Variants in OSBPL6 observed in about 807,000 individuals in gnomAD.
OSBPL6 encodes the protein oxysterol-binding protein-related protein 6.
OSBPL6 carries 49 observed loss-of-function variants against 125.8 expected under a neutral mutation model. The observed-to-expected ratio is 0.39, with a 90% CI of 0.31 to 0.49. The LOEUF is 0.49. OSBPL6 is among the 20% of genes least tolerant of loss of function. OSBPL6 has a pLI of 0.88. For missense variants in OSBPL6, 986 were observed against 1,135.4 expected (o/e 0.87, Z 1.89); for synonymous variants, 394 against 391.8 (o/e 1.01, Z -0.07).
At chr2:178,391,303 A>G in intron 22 of OSBPL6, 86 bp downstream of exon 22, 1 of 1,371,572 alleles carries the variant, frequency 7.3e-7, no homozygotes, top group Admixed American at 2.7e-5. Flanking sequence ...TATGCAACTC[A>G]CATTATGTTT....
At chr2:178,384,877 TAA>T (rs56391259) in intron 18 of OSBPL6, among the ~76,000 whole-genome samples, 6 of 144,098 alleles carry the variant, frequency 4.2e-5, no homozygotes, top group East Asian at 2.0e-4. Context: ...GTAGCCTTTT[TAA>T]AAAAAAAAAA....
chr2:178,200,858 C>T (rs1230037691), intron 1 of OSBPL6, among the ~76,000 whole-genome samples: 3 of 151,608 alleles, frequency 2.0e-5, no homozygotes, highest in East Asian at 1.9e-4. Context: ...TGCAGTGGCG[C>T]GATCTCGGCT....
chr2:178,373,919 C>G lies in OSBPL6; in HGVS notation c.1425C>G (p.Pro475=). The change falls in exon 15 of 25, where the codon CCC becomes CCG. Residue 475 remains proline, a synonymous_variant. Coordinates refer to ENST00000190611, the MANE Select transcript of OSBPL6 (RefSeq NM_032523.4). ...GTGAGCAAATCCATGTCAGTCTCCCCTTATCACAGCAAGTAGCCAATGAGA... is the reference window on the plus strand; with the variant it reads ...GTGAGCAAATCCATGTCAGTCTCCCGTTATCACAGCAAGTAGCCAATGAGA... ...EAGEQIHVSL[P]LSQQVANESR... is the part of the protein sequence containing the mutation. The G allele has an allele frequency of 6.2e-7, 1 of 1,614,056 alleles. No individual in the cohort carries two copies. The highest frequency in any genetic ancestry group is 1.1e-5 in the South Asian group (1 of 91,082).
At chr2:178,234,191 G>A (rs1321905525) in intron 1 of OSBPL6, among the ~76,000 whole-genome samples, 2 of 152,040 alleles carry the variant, frequency 1.3e-5, no homozygotes, top group African/African-American at 2.4e-5. Context: ...TAATACTTTA[G>A]AAAATGAAAT....
At chr2:178,310,738 C>T (rs1687200949) in intron 3 of OSBPL6, among the ~76,000 whole-genome samples, 1 of 152,094 alleles carries the variant, frequency 6.6e-6, no homozygotes, top group East Asian at 1.9e-4. Context: ...CTCTTAATTG[C>T]CCTCTCAAAT....
At chr2:178,264,738 C>T (rs529955551) in intron 1 of OSBPL6, among the ~76,000 whole-genome samples, 2 of 152,268 alleles carry the variant, frequency 1.3e-5, no homozygotes, top group Admixed American at 1.3e-4. Context: ...TGTGAAAACT[C>T]AAGAGTATTG....
At chr2:178,216,222 AG>A (rs1020823596) in intron 1 of OSBPL6, among the ~76,000 whole-genome samples, 2 of 152,198 alleles carry the variant, frequency 1.3e-5, no homozygotes, top group African/African-American at 4.8e-5. Context: ...GATATTGGAA[AG>A]GGGGAAAAAG....
chr2:178,334,505 GTTAT>G (rs537806642), intron 8 of OSBPL6, among the ~76,000 whole-genome samples: 6 of 151,934 alleles, frequency 3.9e-5, no homozygotes, highest in African/African-American at 7.3e-5. Flanking sequence ...CAAACCTTAC[GTTAT>G]TTATTTATTT....
At chr2:178,220,107 C>G (rs757441139) in intron 1 of OSBPL6, among the ~76,000 whole-genome samples, 1 of 152,144 alleles carries the variant, frequency 6.6e-6, no homozygotes, top group Non-Finnish European at 1.5e-5. Flanking sequence ...AATGTAATAA[C>G]TACTATGTGC....
rs778913123 is a variant in OSBPL6 at position 178,396,634 on chromosome 2, A to C, written c.*1075A>C. The C allele has an allele frequency of 2.0e-4, 30 of 152,250 alleles. No individual in the cohort carries two copies. The highest frequency in any genetic ancestry group is 1.5e-3 in the Admixed American group (23 of 15,276). 9.4% of individuals were successfully genotyped at this position (152,250 alleles called of 1,614,324 possible). A position where few individuals can be genotyped will look rare whatever the true frequency, so the allele number is the denominator to read the frequency against. On this transcript the variant is annotated 3_prime_UTR_variant, in exon 25 of 25. Transcript: ENST00000190611. The stretch of plus-strand genomic sequence containing the variant: ...GTCGAATTCCACTGAGAACAGAAGC[A>C]AGAATAATAGTAGTTTATTTGCATT...
intron 1 of OSBPL6, among the ~76,000 whole-genome samples, chr2:178,260,547 G>T (rs2154014251): frequency 6.6e-6 from 1 of 152,260 alleles, no homozygotes; most frequent in African/African-American, 2.4e-5. Flanking sequence ...GGAGCTCTAA[G>T]ATGGAAATGG....
chr2:178,342,532 A>G (rs1035303476), intron 11 of OSBPL6, among the ~76,000 whole-genome samples: 1 of 152,212 alleles, frequency 6.6e-6, no homozygotes, highest in African/African-American at 2.4e-5. Flanking sequence ...ACTGGAAACT[A>G]TTGGGCAGTT....
At chr2:178,368,730 C>T (rs1693089980) in intron 13 of OSBPL6, among the ~76,000 whole-genome samples, 1 of 151,096 alleles carries the variant, frequency 6.6e-6, no homozygotes, top group Admixed American at 6.6e-5. Flanking sequence ...AAAAAATTTA[C>T]ATTAAAAAAT....
At chr2:178,347,862 A>T (rs1347381148) in intron 11 of OSBPL6, among the ~76,000 whole-genome samples, 1 of 152,218 alleles carries the variant, frequency 6.6e-6, no homozygotes. Flanking sequence ...GATTCAAATA[A>T]CATATATTAG....
intron 1 of OSBPL6, among the ~76,000 whole-genome samples, chr2:178,281,782 C>T (rs111884654): frequency 1.5e-4 from 21 of 137,418 alleles, no homozygotes; most frequent in African/African-American, 4.7e-4. Context: ...GGGAACAACA[C>T]ACACTGGGGT....
chr2:178,294,980 A>G (rs900191810), intron 2 of OSBPL6, among the ~76,000 whole-genome samples: 4 of 149,992 alleles, frequency 2.7e-5, no homozygotes, highest in Non-Finnish European at 5.9e-5. Context: ...TGGACTACTT[A>G]GGGTTTTATC....
At position 178,339,838 on chromosome 2, in the gene OSBPL6, G is replaced by A. The variant is rs916379875; in HGVS notation, c.987+74G>A. 5 of 1,107,380 alleles carry A rather than the reference G, an allele frequency of 4.5e-6. No individual in the cohort carries two copies. The Admixed American group carries it at 1.6e-4, about 35-fold the overall frequency. The allele number at this position is 1,107,380 out of a possible 1,614,324, so 68.6% of individuals were successfully genotyped here. ...TACTAGTCTTTATACATCAGTTTAT[G>A]GGCGTTAGATTGAAAGGGCAACTTA... On this transcript the variant is annotated intron_variant, in intron 11 of 24. Coordinates refer to ENST00000190611, the MANE Select transcript of OSBPL6 (RefSeq NM_032523.4).
chr2:178,391,495 C>T (rs988438350), intron 22 of OSBPL6, among the ~76,000 whole-genome samples: 5 of 152,190 alleles, frequency 3.3e-5, no homozygotes, highest in Non-Finnish European at 7.3e-5. Context: ...GTAATGCCTA[C>T]ATTTGAAAAG....
intron 1 of OSBPL6, among the ~76,000 whole-genome samples, chr2:178,253,233 G>T (rs1162085007): frequency 6.6e-6 from 1 of 152,074 alleles, no homozygotes; most frequent in Admixed American, 6.6e-5. Context: ...TGTTGGCCAG[G>T]CTGGTCTCGA....
Sources: gnomAD v4.1 joint callset for allele counts (sites outside exome capture counted in the v4.1 genomes callset) on GRCh38, gnomAD v4.1.1 for gene constraint, MANE v1.5 for transcripts, NCBI Gene and HGNC (gene_info 2026-07-23, HGNC 2026-07-21) for gene names.